Variants in ASAP1 observed in about 807,000 individuals in gnomAD.
ASAP1 encodes arf-GAP with SH3 domain, ANK repeat and PH domain-containing protein 1.
A neutral mutation model predicts 145.2 loss-of-function variants in ASAP1; 43 were observed. The ratio of observed to expected loss-of-function variants is 0.30; its 90% CI spans 0.23 to 0.38. The LOEUF is 0.38. Among genes scored for constraint, ASAP1 ranks in the 10% least tolerant of loss-of-function variants. ASAP1 has a pLI of 1.00. For synonymous variants in ASAP1, 546 were observed against 515.5 expected (o/e 1.06, Z -0.80); for missense variants, 1,018 against 1,355.3 (o/e 0.75, Z 3.91).
At chr8:130,112,361 A>C in intron 23 of ASAP1, 39 bp from the exon 24 acceptor site, 1 of 1,584,132 alleles carries the variant, frequency 6.3e-7, no homozygotes, top group South Asian at 1.1e-5. Context: ...ATAATCAAGG[A>C]CCACCCTTCA....
intron 3 of ASAP1, among the ~76,000 whole-genome samples, chr8:130,283,717 T>C (rs1821415206): frequency 1.3e-5 from 2 of 151,624 alleles, no homozygotes; most frequent in Non-Finnish European, 2.9e-5. Flanking sequence ...GAACAGAAAG[T>C]TGTAGTTGAG....
chr8:130,309,706 T>C (rs1004954980), intron 3 of ASAP1, among the ~76,000 whole-genome samples: 2 of 152,218 alleles, frequency 1.3e-5, no homozygotes, highest in African/African-American at 4.8e-5. Flanking sequence ...GATATTTCAT[T>C]CATGGCTAGG....
chr8:130,106,670 CG>C, intron 24 of ASAP1, among the ~76,000 whole-genome samples: 1 of 152,224 alleles, frequency 6.6e-6, no homozygotes, highest in East Asian at 1.9e-4. Flanking sequence ...ATGCATCTGA[CG>C]AGTACTGACG....
chr8:130,236,895 G>T (rs1444742119), intron 4 of ASAP1, 27 bp downstream of exon 4: 3 of 1,453,466 alleles, frequency 2.1e-6, no homozygotes, highest in Non-Finnish European at 1.9e-6. Flanking sequence ...TATAATTCAT[G>T]TTACCTCATT....
intron 3 of ASAP1, among the ~76,000 whole-genome samples, chr8:130,295,917 A>T (rs1822244197): frequency 6.6e-6 from 1 of 152,224 alleles, no homozygotes; most frequent in Non-Finnish European, 1.5e-5. Flanking sequence ...AAACAAAAAA[A>T]TTTATGATAT....
rs1816951805 is a variant in ASAP1 at position 130,216,715 on chromosome 8, C to T, written c.260-2014G>A. ...CAGCTGATAACTCCTAAATTGATAT[C>T]CCCAGCCCAGAAAAACCCACCCTCT... On this transcript the variant is annotated intron_variant, in intron 4 of 29. Coordinates refer to ENST00000518721, the MANE Select transcript of ASAP1 (RefSeq NM_018482.4). Among the ~76,000 whole-genome samples the T allele has an allele frequency of 2.6e-5, 4 of 152,086 alleles. No individual in the cohort carries two copies. In the South Asian group the frequency reaches 8.3e-4, roughly 32 times the overall value.
chr8:130,214,251 A>G (rs997559172), intron 5 of ASAP1, among the ~76,000 whole-genome samples: 2 of 152,192 alleles, frequency 1.3e-5, no homozygotes, highest in African/African-American at 4.8e-5. Flanking sequence ...TCAATGGTAG[A>G]GATGTGGAAG....
chr8:130,086,293 C>T (rs184134593), intron 25 of ASAP1, among the ~76,000 whole-genome samples: 7 of 152,312 alleles, frequency 4.6e-5, no homozygotes, highest in Admixed American at 2.0e-4. Context: ...AACCTTTCTG[C>T]GCCCCGAAGT....
intron 11 of ASAP1, among the ~76,000 whole-genome samples, chr8:130,161,436 T>C (rs1419694623): frequency 6.6e-6 from 1 of 152,178 alleles, no homozygotes. Context: ...AAATCATAGA[T>C]TCCGTGTTCA....
intron 1 of ASAP1, among the ~76,000 whole-genome samples, chr8:130,403,794 T>C (rs937720086): frequency 6.6e-6 from 1 of 152,102 alleles, no homozygotes; most frequent in Non-Finnish European, 1.5e-5. Context: ...CCTCAGGTGA[T>C]CTGCCCACCT....
intron 3 of ASAP1, among the ~76,000 whole-genome samples, chr8:130,319,560 A>G (rs1382381318): frequency 2.0e-5 from 3 of 152,192 alleles, no homozygotes; most frequent in Admixed American, 6.5e-5. Context: ...AGCCTACCTT[A>G]TCCGTGAAGA....
chr8:130,114,315 C>T (rs2097551332), intron 23 of ASAP1, among the ~76,000 whole-genome samples: 1 of 152,190 alleles, frequency 6.6e-6, no homozygotes, highest in South Asian at 2.1e-4. Context: ...ACCTGTACAG[C>T]ATGCTACTAT....
At chr8:130,256,144 C>A (rs1466087998) in intron 3 of ASAP1, among the ~76,000 whole-genome samples, 2 of 152,184 alleles carry the variant, frequency 1.3e-5, no homozygotes, top group Middle Eastern at 3.2e-3. Flanking sequence ...CACTAATGAA[C>A]ATTATGTTCC....
rs1444904058 is a variant in ASAP1 at position 130,426,825 on chromosome 8, T to C, written c.-28+16635A>G. Reference sequence around the variant, plus strand: ...ATGCCCCAGCCTCCTCTCCAGATGATTTTTCTTCCATAAGGACTATTTGTC... The same window carrying C: ...ATGCCCCAGCCTCCTCTCCAGATGACTTTTCTTCCATAAGGACTATTTGTC... On this transcript the variant is annotated intron_variant, in intron 1 of 29. Coordinates refer to ENST00000518721, the MANE Select transcript of ASAP1 (RefSeq NM_018482.4). Among the ~76,000 whole-genome samples, 34 of 152,186 alleles carry C rather than the reference T, an allele frequency of 2.2e-4. 1 individual carries two copies. Among genetic ancestry groups the C allele is most frequent in the Admixed American group, 2.2e-3 (34 of 15,282 alleles).
chr8:130,112,213 T>G lies in ASAP1; in HGVS notation c.2282A>C (p.Asp761Ala). The change falls in exon 24 of 30, where the codon GAC becomes GCC. Residue 761 changes from aspartate to alanine, a missense_variant. Asp to Ala is a moderately radical substitution (Grantham distance 126). Coordinates refer to ENST00000518721, the MANE Select transcript of ASAP1 (RefSeq NM_018482.4). ...LALPGFSTPRDKQRLSYGAFT... is the reference protein window; with the variant it reads ...LALPGFSTPRAKQRLSYGAFT... ...GGCTCCATAGGAGAGCCGCTGTTTGTCCCTTGGAGTGCTGAATCCTGGCAG... is the reference window on the plus strand; with the variant it reads ...GGCTCCATAGGAGAGCCGCTGTTTGGCCCTTGGAGTGCTGAATCCTGGCAG... The G allele has an allele frequency of 6.2e-7, 1 of 1,614,156 alleles. No homozygotes were observed. Among genetic ancestry groups the G allele is most frequent in the Non-Finnish European group, 8.5e-7 (1 of 1,180,020 alleles).
At position 130,252,415 on chromosome 8, in the gene ASAP1, A is replaced by C. The variant is rs938404594; in HGVS notation, c.187-15421T>G. ...TATTAAAAGATTGATTCAGTACTTA[A>C]AATATTTTTAATCCTCTTAACAGTG... On this transcript the variant is annotated intron_variant, in intron 3 of 29. Transcript: ENST00000518721. 8.5e-5 allele frequency among the ~76,000 whole-genome samples: 13 copies of C among 152,310 alleles called. No individual in the cohort carries two copies. In the South Asian group the frequency reaches 1.2e-3, roughly 15 times the overall value.
intron 5 of ASAP1, among the ~76,000 whole-genome samples, chr8:130,210,489 G>C (rs1367814110): frequency 6.6e-6 from 1 of 152,118 alleles, no homozygotes; most frequent in Non-Finnish European, 1.5e-5. Context: ...AAAAGTTTGA[G>C]AACTACCATC....
chr8:130,362,483 G>A (rs1367746941), intron 2 of ASAP1, among the ~76,000 whole-genome samples: 3 of 152,218 alleles, frequency 2.0e-5, no homozygotes, highest in Non-Finnish European at 4.4e-5. Flanking sequence ...GAAATAAAAT[G>A]AGAAAATATG....
chr8:130,240,722 C>T (rs73712892), intron 3 of ASAP1, among the ~76,000 whole-genome samples: 4,195 of 152,172 alleles, frequency 0.028, 177 homozygotes, highest in African/African-American at 0.094. Context: ...TTGTGCCATA[C>T]GGCATTATTA....
Sources: gnomAD v4.1 joint callset for allele counts (sites outside exome capture counted in the v4.1 genomes callset) on GRCh38, gnomAD v4.1.1 for gene constraint, MANE v1.5 for transcripts, NCBI Gene and HGNC (gene_info 2026-07-23, HGNC 2026-07-21) for gene names.